Variants in FAM78B observed in about 807,000 individuals in gnomAD.
FAM78B encodes family with sequence similarity 78 member B, also known as protein FAM78B.
Under a neutral mutation model 20.0 loss-of-function variants are expected in FAM78B, and 10 were observed. The observed-to-expected ratio is 0.50, with a 90% confidence interval of 0.31 to 0.85. The LOEUF (loss-of-function observed/expected upper bound fraction) is 0.85. FAM78B is among the 40% of genes least tolerant of loss of function. The pLI, the probability that FAM78B is intolerant of heterozygous loss-of-function variation, is 0.05. For missense variants in FAM78B, 283 were observed against 345.0 expected, an observed-to-expected ratio of 0.82 and a Z score of 1.42; for synonymous variants, 135 against 132.8, an observed-to-expected ratio of 1.02 and a Z score of -0.12.
chr1:166,163,557 G>C (rs1350385279), intron 1 of FAM78B, among the ~76,000 whole-genome samples: 1 of 152,192 alleles, frequency 6.6e-6, no homozygotes, highest in African/African-American at 2.4e-5. Context: ...TCATGTGACA[G>C]AACACTGCAC....
chr1:166,058,711 T>C (rs1651454303), exon 3 of FAM78B: 1 of 152,526 alleles, frequency 6.6e-6, no homozygotes, highest in Admixed American at 6.5e-5. Flanking sequence ...CTGGCATCTC[T>C]ATAGATCTAG....
At chr1:166,124,937 C>T (rs1232690111) in intron 1 of FAM78B, among the ~76,000 whole-genome samples, 1 of 152,004 alleles carries the variant, frequency 6.6e-6, no homozygotes, top group Non-Finnish European at 1.5e-5. Flanking sequence ...CTGGTCAGTA[C>T]CCTACACCCA....
At chr1:166,164,877 AT>A (rs1184364635) in intron 1 of FAM78B, 1 of 152,250 alleles carries the variant, frequency 6.6e-6, no homozygotes. Context: ...AGACTGGCTA[AT>A]TAGGGTGTTC....
chr1:166,061,537 C>T (rs755970214), intron 2 of FAM78B, among the ~76,000 whole-genome samples: 1 of 152,086 alleles, frequency 6.6e-6, no homozygotes, highest in Non-Finnish European at 1.5e-5. Flanking sequence ...AAACTTGTTC[C>T]AATTGTTTGA....
At chr1:166,140,052 T>C (rs181663084) in intron 1 of FAM78B, among the ~76,000 whole-genome samples, 56 of 152,296 alleles carry the variant, frequency 3.7e-4, no homozygotes, top group African/African-American at 1.2e-3. Context: ...CTGCTTCAAA[T>C]GAGCAGGAAC....
chr1:166,060,048 T>C, exon 3 of FAM78B: 1 of 160,080 alleles, frequency 6.2e-6, no homozygotes, highest in South Asian at 1.8e-4. Flanking sequence ...CCTGGTGACT[T>C]ACACTCTGCC....
chr1:166,084,918 C>T (rs903646621), intron 1 of FAM78B, among the ~76,000 whole-genome samples: 2 of 152,224 alleles, frequency 1.3e-5, no homozygotes, highest in African/African-American at 2.4e-5. Flanking sequence ...GGTCCTGTGG[C>T]TATAAAAGGC....
At chr1:166,083,426 G>A (rs921197692) in intron 1 of FAM78B, among the ~76,000 whole-genome samples, 2 of 152,180 alleles carry the variant, frequency 1.3e-5, no homozygotes, top group Non-Finnish European at 2.9e-5. Flanking sequence ...CTGCTACCAC[G>A]TGGCCTTGGA....
chr1:166,160,134 T>C (rs1477257979), intron 1 of FAM78B, among the ~76,000 whole-genome samples: 3 of 152,190 alleles, frequency 2.0e-5, no homozygotes, highest in African/African-American at 2.4e-5. Context: ...CCTGGACAGA[T>C]GGGCTGATCT....
intron 1 of FAM78B, among the ~76,000 whole-genome samples, chr1:166,108,952 T>C (rs921751516): frequency 6.6e-6 from 1 of 152,126 alleles, no homozygotes; most frequent in Admixed American, 6.6e-5. Context: ...GATAATTGAC[T>C]AGCCACATGC....
At chr1:166,072,158 T>C (rs1312214375) in intron 1 of FAM78B, among the ~76,000 whole-genome samples, 1 of 152,190 alleles carries the variant, frequency 6.6e-6, no homozygotes, top group Admixed American at 6.5e-5. Context: ...TTAAAGGGAA[T>C]TGCATTGTCA....
chr1:166,074,709 G>A (rs771006636), intron 1 of FAM78B, among the ~76,000 whole-genome samples: 2 of 152,150 alleles, frequency 1.3e-5, no homozygotes, highest in Non-Finnish European at 2.9e-5. Flanking sequence ...TATTAGAATA[G>A]TATCATGCCT....
At chr1:166,060,561 C>G (rs1355919743) in exon 3 of FAM78B, 1 of 1,250,894 alleles carries the variant, frequency 8.0e-7, no homozygotes, top group Non-Finnish European at 1.0e-6. Context: ...ATCAGCTGTC[C>G]AGGGATTCAG....
intron 1 of FAM78B, among the ~76,000 whole-genome samples, chr1:166,077,872 A>T (rs188630244): frequency 0.063 from 237 of 3,758 alleles, 1 homozygote; most frequent in South Asian, 0.25. Context: ...TTATATATAT[A>T]ATTATATATA....
chr1:166,143,853 C>T (rs1231457607), intron 1 of FAM78B, among the ~76,000 whole-genome samples: 2 of 152,180 alleles, frequency 1.3e-5, no homozygotes, highest in Non-Finnish European at 2.9e-5. Context: ...AAACACTTCG[C>T]ATGGAGCAAC....
rs138775815 is a variant in FAM78B, at chr1:166,070,339, G to C, written c.688C>G (p.Pro230Ala). ...TTGGGTTTCACTAGTGCATTAGGGG[G>C]GATGGGTTCCATCCGGCTCAGGATC... ...PRILSRMEPI[P>A]PNALVKPNAN... The change falls in exon 2 of 2, where the codon CCC becomes GCC. Residue 230 changes from proline to alanine, a missense_variant. Transcript: ENST00000354422. The C allele has an allele frequency of 1.2e-6, 2 of 1,610,920 alleles. No homozygotes were observed. The highest frequency in any genetic ancestry group is 1.7e-6 in the Non-Finnish European group (2 of 1,178,212).
chr1:166,122,470 CAT>C (rs1263185191), intron 1 of FAM78B, among the ~76,000 whole-genome samples: 14 of 152,226 alleles, frequency 9.2e-5, no homozygotes, highest in Non-Finnish European at 1.5e-5. Context: ...GATATTTATA[CAT>C]GTTTATAAAG....
At chr1:166,126,812 T>A (rs1161403212) in intron 1 of FAM78B, among the ~76,000 whole-genome samples, 1 of 152,226 alleles carries the variant, frequency 6.6e-6, no homozygotes, top group Non-Finnish European at 1.5e-5. Context: ...ATTACATATC[T>A]TGTCCAAGGT....
intron 1 of FAM78B, among the ~76,000 whole-genome samples, chr1:166,139,309 A>G (rs1168017438): frequency 1.3e-5 from 2 of 152,188 alleles, no homozygotes; most frequent in Non-Finnish European, 2.9e-5. Context: ...AGAATTCCAA[A>G]ACAAGTGTCT....
Sources: gnomAD v4.1 joint callset for allele counts (sites outside exome capture counted in the v4.1 genomes callset) on GRCh38, gnomAD v4.1.1 for gene constraint, MANE v1.5 for transcripts, NCBI Gene and HGNC (gene_info 2026-07-23, HGNC 2026-07-21) for gene names.